The following SLC35A3 variants were observed in gnomAD, a reference collection of about 807,000 sequenced individuals.
SLC35A3 encodes solute carrier family 35 member A3, also known as UDP-N-acetylglucosamine transporter.
A neutral mutation model predicts 39.0 loss-of-function variants in SLC35A3; 26 were observed. The observed-to-expected ratio is 0.67, with a 90% CI of 0.49 to 0.92. The LOEUF (loss-of-function observed/expected upper bound fraction) is 0.92. Ranked by LOEUF, SLC35A3 falls within the 40% of genes least tolerant of loss-of-function variation. The pLI is 0.00. For missense variants in SLC35A3, 299 were observed against 371.6 expected (o/e 0.80, Z 1.61); for synonymous variants, 135 against 133.1 (o/e 1.01, Z -0.10).
intron 7 of SLC35A3, among the ~76,000 whole-genome samples, chr1:100,018,057 A>C (rs944405710): frequency 6.6e-5 from 10 of 152,256 alleles, no homozygotes; most frequent in Non-Finnish European, 7.3e-5. Flanking sequence ...TTTTCCCTGC[A>C]AAGTAAAAAA....
intron 1 of SLC35A3, among the ~76,000 whole-genome samples, chr1:99,985,968 T>C (rs994479012): frequency 6.6e-5 from 10 of 152,154 alleles, no homozygotes; most frequent in Non-Finnish European, 1.2e-4. Flanking sequence ...AGGAGCTTTT[T>C]GGATGAGTCT....
At chr1:100,004,884 G>T (rs149573643) in intron 3 of SLC35A3, among the ~76,000 whole-genome samples, 1 of 151,644 alleles carries the variant, frequency 6.6e-6, no homozygotes, top group Non-Finnish European at 1.5e-5. Flanking sequence ...GACCACAATC[G>T]CACTCTACCA....
rs1660931650 is a variant in SLC35A3, at chr1:100,026,715, T to G, written c.*4239T>G. On this transcript the variant is annotated 3_prime_UTR_variant, in exon 8 of 8. Transcript: ENST00000533028. ...TGTTGTTTCATTTGTAATTACAAAA[T>G]AATTTAAAAACTTTTTAAAATAATT... The G allele has an allele frequency of 6.6e-6, 1 of 152,414 alleles. No homozygotes were observed. The highest frequency in any genetic ancestry group is 1.5e-5 in the Non-Finnish European group (1 of 68,164). The allele number at this position is 152,414 out of a possible 1,614,324, so 9.4% of individuals were successfully genotyped here.
intron 3 of SLC35A3, among the ~76,000 whole-genome samples, chr1:100,002,982 C>T (rs533585242): frequency 2.0e-5 from 3 of 151,966 alleles, no homozygotes; most frequent in Non-Finnish European, 2.9e-5. Context: ...TCTAGCTTCT[C>T]GAGGTATATT....
At chr1:99,990,467 G>A (rs542584570) in intron 1 of SLC35A3, among the ~76,000 whole-genome samples, 2 of 152,140 alleles carry the variant, frequency 1.3e-5, no homozygotes, top group East Asian at 1.9e-4. Flanking sequence ...CCAGCTACTC[G>A]GGAGGCTGAG....
At chr1:99,990,692 A>G (rs1389107359) in intron 1 of SLC35A3, among the ~76,000 whole-genome samples, 1 of 152,174 alleles carries the variant, frequency 6.6e-6, no homozygotes, top group Non-Finnish European at 1.5e-5. Flanking sequence ...ATATTTATAT[A>G]TGGTTTAATA....
chr1:99,972,894 T>C (rs919991438), intron 1 of SLC35A3, among the ~76,000 whole-genome samples: 4 of 152,246 alleles, frequency 2.6e-5, no homozygotes, highest in Admixed American at 2.6e-4. Flanking sequence ...CGCTATTTTA[T>C]AGATAAGAAT....
intron 3 of SLC35A3, among the ~76,000 whole-genome samples, chr1:100,001,528 C>A (rs986192263): frequency 2.0e-5 from 3 of 151,390 alleles, no homozygotes; most frequent in Non-Finnish European, 4.4e-5. Flanking sequence ...AGAAATGCTA[C>A]TGATTTTTGT....
chr1:99,970,758 A>G, intron 1 of SLC35A3: 1 of 673,048 alleles, frequency 1.5e-6, no homozygotes, highest in South Asian at 2.1e-5. Flanking sequence ...TGTTCTCTTA[A>G]ATGCAGTATT....
At chr1:100,005,420 G>A (rs553822784) in intron 3 of SLC35A3, among the ~76,000 whole-genome samples, 3 of 152,284 alleles carry the variant, frequency 2.0e-5, no homozygotes, top group Admixed American at 2.0e-4. Flanking sequence ...TGTTTTGAGG[G>A]CATCCTTTGT....
chr1:100,017,050 A>T (rs1254655516), intron 6 of SLC35A3, among the ~76,000 whole-genome samples: 1 of 152,236 alleles, frequency 6.6e-6, no homozygotes, highest in African/African-American at 2.4e-5. Context: ...TAGGTAACCC[A>T]GATTTGGAAA....
Position 100,002,626 on chromosome 1 carries a change from GTTGT to G in SLC35A3, c.342+3219_342+3222del, listed in dbSNP as rs1658887880. Among the ~76,000 whole-genome samples, 6 of 151,926 alleles carry G rather than the reference GTTGT, an allele frequency of 3.9e-5. No individual in the cohort carries two copies. The South Asian group carries it at 1.2e-3, about 32-fold the overall frequency. On this transcript the variant is annotated intron_variant, in intron 3 of 7. Coordinates refer to ENST00000533028, the MANE Select transcript of SLC35A3 (RefSeq NM_012243.3). ...TCTGCCCTGATCTTTTGTTGTTGTTGTTGTTTGTTTGAGACATTCTCACTTTGTT... is the reference window on the plus strand; with the variant it reads ...TCTGCCCTGATCTTTTGTTGTTGTTGTTGTTTGAGACATTCTCACTTTGTT...
In SLC35A3 at chr1:100,015,383, G is replaced by A. The variant is rs1466186866; in HGVS notation, c.716G>A (p.Gly239Glu). Reference sequence around the variant, plus strand: ...GTATCAAAGAATGGATTTTTTCAGGGATATAACCGACTGACCTGGATAGTA... The same window carrying A: ...GTATCAAAGAATGGATTTTTTCAGGAATATAACCGACTGACCTGGATAGTA... Reference protein sequence around the residue: ...ELVSKNGFFQGYNRLTWIVVV... With the variant: ...ELVSKNGFFQEYNRLTWIVVV... The change falls in exon 6 of 8, where the codon GGA becomes GAA. Residue 239 changes from glycine (G) to glutamate (E), a missense_variant. By Grantham distance (98) the Gly-to-Glu change is moderately conservative. Transcript: ENST00000533028. 6.2e-7 allele frequency: 1 copy of A among 1,612,948 alleles called. No individual in the cohort carries two copies. Among genetic ancestry groups the A allele is most frequent in the South Asian group, 1.1e-5 (1 of 90,894 alleles).
At chr1:99,999,049 T>C (rs1658586796) in intron 2 of SLC35A3, among the ~76,000 whole-genome samples, 1 of 152,150 alleles carries the variant, frequency 6.6e-6, no homozygotes, top group Non-Finnish European at 1.5e-5. Context: ...CATTTGATTA[T>C]ATATCAGAAT....
Position 100,032,039 on chromosome 1 carries a change from T to A in SLC35A3, c.*9563T>A, listed in dbSNP as rs1008259278. The A allele has an allele frequency of 1.3e-5, 2 of 152,208 alleles. No individual in the cohort carries two copies. The highest frequency in any genetic ancestry group is 4.8e-5 in the African/African-American group (2 of 41,450). The allele number at this position is 152,208 out of a possible 1,614,324, so 9.4% of individuals were successfully genotyped here. On this transcript the variant is annotated 3_prime_UTR_variant, in exon 8 of 8. Transcript: ENST00000533028. ...GGTTTGATTACCTTCAGGTTAAATG[T>A]ATTGGGTAAAAATATTTCACAGATT... is the stretch of plus-strand genomic sequence containing the variant.
intron 3 of SLC35A3, among the ~76,000 whole-genome samples, chr1:100,003,865 A>G (rs1659006302): frequency 6.6e-6 from 1 of 152,180 alleles, no homozygotes; most frequent in Admixed American, 6.5e-5. Context: ...TCCCTTTATC[A>G]TGATATAATT....
In SLC35A3 at chr1:100,015,435, G is replaced by C; in HGVS notation, c.753+15G>C. On this transcript the variant is annotated intron_variant, in intron 6 of 7. Coordinates refer to ENST00000533028, the MANE Select transcript of SLC35A3 (RefSeq NM_012243.3). The stretch of plus-strand genomic sequence containing the variant: ...TTGTTCTTCAGGTAAAGCATTTAAA[G>C]TCTTAGATTTAATGCTAATAAACTG... The C allele has an allele frequency of 6.3e-7, 1 of 1,591,348 alleles. No homozygotes were observed. Among genetic ancestry groups the C allele is most frequent in the African/African-American group, 1.4e-5 (1 of 73,580 alleles).
rs1661080706 is a variant in SLC35A3, at chr1:100,029,049, A to T, written c.*6573A>T. The T allele has an allele frequency of 6.6e-6, 1 of 152,204 alleles. No homozygotes were observed. Among genetic ancestry groups the T allele is most frequent in the Non-Finnish European group, 1.5e-5 (1 of 68,048 alleles). 9.4% of individuals were successfully genotyped at this position (152,204 alleles called of 1,614,324 possible). ...ACACACATAGTATTGCCATTCAGGG[A>T]AGCTCACCTAAGCTTTGGTGTCCAG... On this transcript the variant is annotated 3_prime_UTR_variant, in exon 8 of 8. Coordinates refer to ENST00000533028, the MANE Select transcript of SLC35A3 (RefSeq NM_012243.3).
intron 1 of SLC35A3, among the ~76,000 whole-genome samples, chr1:99,982,187 G>A (rs1657495894): frequency 1.3e-5 from 2 of 151,736 alleles, no homozygotes; most frequent in African/African-American, 2.4e-5. Flanking sequence ...TGTATTTTTA[G>A]TAGAGACGGG....
Sources: gnomAD v4.1 joint callset for allele counts (sites outside exome capture counted in the v4.1 genomes callset) on GRCh38, gnomAD v4.1.1 for gene constraint, MANE v1.5 for transcripts, NCBI Gene and HGNC (gene_info 2026-07-23, HGNC 2026-07-21) for gene names.